Variants in ERC2 observed in about 807,000 individuals in gnomAD.
ERC2 encodes the protein ELKS/RAB6-interacting/CAST family member 2, also known as ERC protein 2.
Under a neutral mutation model 114.8 loss-of-function variants are expected in ERC2, and 42 were observed. The ratio of observed to expected loss-of-function variants is 0.37; its 90% CI spans 0.29 to 0.47. ERC2 has a LOEUF of 0.47. Ranked by LOEUF, ERC2 falls within the 20% of genes least tolerant of loss-of-function variation. The probability of loss-of-function intolerance (pLI) is 0.99; values close to 1 mark genes in which losing one functional copy is unlikely to be tolerated. For missense variants in ERC2, 939 were observed against 1,150.7 expected, an observed-to-expected ratio of 0.82 and a Z score of 2.66; for synonymous variants, 454 against 425.5, an observed-to-expected ratio of 1.07 and a Z score of -0.82.
chr3:56,079,710 G>C (rs1299696740), intron 7 of ERC2, among the ~76,000 whole-genome samples: 1 of 152,096 alleles, frequency 6.6e-6, no homozygotes, highest in Non-Finnish European at 1.5e-5. Flanking sequence ...GGGGTGTCAT[G>C]TTTACATTAT....
chr3:55,576,744 C>T (rs961039759), intron 17 of ERC2, among the ~76,000 whole-genome samples: 6 of 152,264 alleles, frequency 3.9e-5, no homozygotes, highest in East Asian at 3.8e-4. Context: ...CTGACGGCCC[C>T]GTCCTCGTGC....
At chr3:56,019,672 C>A (rs1265765169) in intron 7 of ERC2, among the ~76,000 whole-genome samples, 1 of 152,136 alleles carries the variant, frequency 6.6e-6, no homozygotes, top group Admixed American at 6.5e-5. Flanking sequence ...TGCTGGCAAC[C>A]AACCAGCCAC....
At chr3:56,033,677 CT>C (rs2074616773) in intron 7 of ERC2, among the ~76,000 whole-genome samples, 1 of 152,134 alleles carries the variant, frequency 6.6e-6, no homozygotes, top group Admixed American at 6.5e-5. Context: ...TTTTTTTCTT[CT>C]TTCAGAAATT....
intron 15 of ERC2, among the ~76,000 whole-genome samples, chr3:55,700,984 C>T (rs893680885): frequency 2.6e-5 from 4 of 152,248 alleles, no homozygotes; most frequent in Admixed American, 1.3e-4. Context: ...GGGAAGGTCA[C>T]GGAGAGTTGA....
intron 17 of ERC2, among the ~76,000 whole-genome samples, chr3:55,604,955 C>T (rs780935832): frequency 2.0e-5 from 3 of 152,124 alleles, no homozygotes; most frequent in African/African-American, 7.2e-5. Flanking sequence ...GATTCTGATT[C>T]GGTAGGTCTG....
At chr3:56,139,757 C>T in intron 5 of ERC2, 81 bp from the exon 6 acceptor site, 1 of 1,417,204 alleles carries the variant, frequency 7.1e-7, no homozygotes, top group Non-Finnish European at 9.6e-7. Context: ...GATTTCTCTC[C>T]ATTTCAGCAG....
At position 56,161,498 on chromosome 3, in the gene ERC2, C is replaced by T. The variant is rs559084112; in HGVS notation, c.1149+11948G>A. On this transcript the variant is annotated intron_variant, in intron 4 of 17. Transcript: ENST00000288221. ...TGCAAATTGCTTTAGGCAGTATGGC[C>T]ATTTTAATAATGATTTGTCCACTCT... 9.1e-4 allele frequency among the ~76,000 whole-genome samples: 139 copies of T among 152,208 alleles called. 1 individual carries two copies. Among genetic ancestry groups the T allele is most frequent in the Admixed American group, 3.1e-3 (48 of 15,292 alleles).
At chr3:55,748,456 A>G (rs2066446814) in intron 14 of ERC2, among the ~76,000 whole-genome samples, 1 of 152,146 alleles carries the variant, frequency 6.6e-6, no homozygotes, top group Non-Finnish European at 1.5e-5. Flanking sequence ...GACTGCTACC[A>G]CAGCAGAACC....
At chr3:55,690,566 G>T (rs185144687) in intron 16 of ERC2, among the ~76,000 whole-genome samples, 2 of 151,960 alleles carry the variant, frequency 1.3e-5, no homozygotes, top group African/African-American at 2.4e-5. Flanking sequence ...TGACTCAAAG[G>T]ATACTGCAAC....
chr3:56,426,708 C>G (rs771803591), intron 2 of ERC2, among the ~76,000 whole-genome samples: 1 of 152,186 alleles, frequency 6.6e-6, no homozygotes, highest in Non-Finnish European at 1.5e-5. Flanking sequence ...AGACATGGAA[C>G]GTACCTAAAC....
At chr3:55,843,039 A>G (rs2061205178) in intron 14 of ERC2, among the ~76,000 whole-genome samples, 1 of 152,192 alleles carries the variant, frequency 6.6e-6, no homozygotes, top group South Asian at 2.1e-4. Context: ...TTCTATAATT[A>G]CGGACATTTA....
chr3:56,440,267 G>A (rs1211030630), intron 1 of ERC2, among the ~76,000 whole-genome samples: 1 of 152,224 alleles, frequency 6.6e-6, no homozygotes, highest in African/African-American at 2.4e-5. Flanking sequence ...AATGCGGCCG[G>A]GCGAGGTGGC....
chr3:56,015,944 T>A (rs1029597594), intron 8 of ERC2, among the ~76,000 whole-genome samples: 1 of 152,228 alleles, frequency 6.6e-6, no homozygotes, highest in Non-Finnish European at 1.5e-5. Flanking sequence ...TGATTTGCAT[T>A]TCTCTAATGA....
Position 56,203,919 on chromosome 3 carries a change from C to T in ERC2, c.1075-30399G>A, listed in dbSNP as rs373238467. ...CTAACAGGCCGGGCCTGGTGGCTTA[C>T]GCCTGTAATCCCAGCACTTTGGGAG... On this transcript the variant is annotated intron_variant, in intron 3 of 17. Transcript: ENST00000288221. Among the ~76,000 whole-genome samples the T allele has an allele frequency of 4.1e-4, 62 of 152,298 alleles. 1 individual carries two copies. The East Asian group carries it at 0.011, about 27-fold the overall frequency.
At chr3:55,754,203 A>T (rs960720426) in intron 14 of ERC2, among the ~76,000 whole-genome samples, 15 of 152,026 alleles carry the variant, frequency 9.9e-5, no homozygotes, top group Non-Finnish European at 1.9e-4. Context: ...AAAACTATTT[A>T]AAAAACCAGG....
At chr3:55,843,587 G>C (rs1327771458) in intron 14 of ERC2, among the ~76,000 whole-genome samples, 1 of 152,230 alleles carries the variant, frequency 6.6e-6, no homozygotes, top group Non-Finnish European at 1.5e-5. Flanking sequence ...ATATAGTCAA[G>C]TTGTTGAGCT....
chr3:55,969,436 C>CACACACA (rs1466816308), intron 12 of ERC2, among the ~76,000 whole-genome samples: 2 of 143,998 alleles, frequency 1.4e-5, no homozygotes, highest in African/African-American at 2.5e-5. Context: ...CACACACACA[C>CACACACA]CCTTCACCAC....
chr3:55,817,428 T>C (rs2059944073), intron 14 of ERC2, among the ~76,000 whole-genome samples: 1 of 152,192 alleles, frequency 6.6e-6, no homozygotes, highest in Non-Finnish European at 1.5e-5. Flanking sequence ...AATTGGACAC[T>C]CCTGAGAGTT....
chr3:56,224,282 A>G (rs986757871), intron 3 of ERC2, among the ~76,000 whole-genome samples: 3 of 152,228 alleles, frequency 2.0e-5, no homozygotes, highest in Non-Finnish European at 2.9e-5. Flanking sequence ...TATTTACACA[A>G]GGACCTTAGT....
Sources: gnomAD v4.1 joint callset for allele counts (sites outside exome capture counted in the v4.1 genomes callset) on GRCh38, gnomAD v4.1.1 for gene constraint, MANE v1.5 for transcripts, NCBI Gene and HGNC (gene_info 2026-07-23, HGNC 2026-07-21) for gene names.